RAB27A: variants seen among roughly 807,000 people sequenced by gnomAD.
RAB27A encodes RAB27A, member RAS oncogene family.
In RAB27A, 17 loss-of-function variants were observed where a neutral mutation model predicts 20.8. The ratio of observed to expected loss-of-function variants is 0.82; its 90% CI spans 0.56 to 1.23. The LOEUF (loss-of-function observed/expected upper bound fraction) is 1.23, where lower values mean the gene tolerates loss of function less well. Ranked by LOEUF, RAB27A falls within the 50% of genes most tolerant of loss-of-function variation. The probability of loss-of-function intolerance (pLI) is 0.00; values close to 1 mark genes in which losing one functional copy is unlikely to be tolerated. For synonymous variants in RAB27A, 85 were observed against 92.8 expected, an observed-to-expected ratio of 0.92 and a Z score of 0.48; for missense variants, 277 against 266.7, an observed-to-expected ratio of 1.04 and a Z score of -0.27.
At chr15:55,207,225 AAT>A (rs2140897181) in intron 6 of RAB27A, among the ~76,000 whole-genome samples, 1 of 152,340 alleles carries the variant, frequency 6.6e-6, no homozygotes, top group Non-Finnish European at 1.5e-5. Flanking sequence ...TACTTTGGAA[AAT>A]AAGACGGTAA....
chr15:55,308,933 T>A (rs998948543), intron 2 of RAB27A, among the ~76,000 whole-genome samples: 2 of 152,226 alleles, frequency 1.3e-5, no homozygotes, highest in Admixed American at 1.3e-4. Context: ...AATTTCCTTA[T>A]TCAGGTATGC....
intron 1 of RAB27A, chr15:55,314,268 C>G (rs927677924): frequency 6.6e-6 from 1 of 150,616 alleles, no homozygotes; most frequent in African/African-American, 2.4e-5. Context: ...AATATAAAAA[C>G]ATGTTGATTT....
chr15:55,236,175 G>A (rs60735285), intron 2 of RAB27A, among the ~76,000 whole-genome samples: 4 of 141,238 alleles, frequency 2.8e-5, no homozygotes, highest in Non-Finnish European at 4.4e-5. Flanking sequence ...AAAAAAAAAA[G>A]AAAGAAAGAA....
intron 2 of RAB27A, among the ~76,000 whole-genome samples, chr15:55,303,764 AG>A: frequency 3.8e-5 from 5 of 131,708 alleles, no homozygotes; most frequent in African/African-American, 1.5e-4. Context: ...CTGCCCGGCC[AG>A]CCGCCCCGTC....
chr15:55,251,757 CAAAGTA>C (rs1246605209), intron 2 of RAB27A, among the ~76,000 whole-genome samples: 1 of 152,098 alleles, frequency 6.6e-6, no homozygotes, highest in Non-Finnish European at 1.5e-5. Flanking sequence ...AAATACTGAT[CAAAGTA>C]AAAGTTCAGA....
At chr15:55,230,872 A>T (rs985466654) in intron 3 of RAB27A, among the ~76,000 whole-genome samples, 1 of 152,024 alleles carries the variant, frequency 6.6e-6, no homozygotes, top group African/African-American at 2.4e-5. Flanking sequence ...TGTTACGTAG[A>T]TAGATTGCAT....
At position 55,262,019 on chromosome 15, in the gene RAB27A, A is replaced by G. The variant is rs1450174584; in HGVS notation, c.-23+8146T>C. On this transcript the variant is annotated intron_variant, in intron 2 of 6. Coordinates refer to ENST00000336787, the MANE Select transcript of RAB27A (RefSeq NM_183235.3). ...ACAATTGCACTCTGGCCTGGGTGAC[A>G]GGGCGAGACTCCATCCCAAAAAAAA... 2.7e-5 allele frequency among the ~76,000 whole-genome samples: 4 copies of G among 150,586 alleles called. No individual in the cohort carries two copies. The East Asian group carries it at 5.9e-4, about 22-fold the overall frequency.
At chr15:55,230,096 A>T (rs546718732) in intron 4 of RAB27A, among the ~76,000 whole-genome samples, 1 of 152,208 alleles carries the variant, frequency 6.6e-6, no homozygotes, top group Non-Finnish European at 1.5e-5. Flanking sequence ...AATGCATGTA[A>T]CTTGGCCACT....
rs140344102 is a variant in RAB27A at position 55,249,612 on chromosome 15, T to C, written c.-22-14656A>G. Among the ~76,000 whole-genome samples the C allele has an allele frequency of 3.7e-4, 57 of 152,330 alleles. 1 individual carries two copies. The East Asian group carries it at 0.011, about 29-fold the overall frequency. On this transcript the variant is annotated intron_variant, in intron 2 of 6. Transcript: ENST00000336787. ...AAGTTTTATAAATGTTCCACGATTATGTGAAAACAATCTGTACACCCTGTT... is the reference window on the plus strand; with the variant it reads ...AAGTTTTATAAATGTTCCACGATTACGTGAAAACAATCTGTACACCCTGTT...
chr15:55,301,697 T>C (rs972690881), intron 2 of RAB27A, among the ~76,000 whole-genome samples: 1 of 139,226 alleles, frequency 7.2e-6, no homozygotes, highest in Non-Finnish European at 1.5e-5. Flanking sequence ...CAGGCTGGAG[T>C]GCAGTGGCAT....
At chr15:55,262,385 CA>C (rs111597244) in intron 2 of RAB27A, among the ~76,000 whole-genome samples, 3 of 151,354 alleles carry the variant, frequency 2.0e-5, no homozygotes, top group Admixed American at 1.3e-4. Context: ...ACTCAAAATA[CA>C]AAAAAATTAG....
intron 1 of RAB27A, chr15:55,270,709 G>A (rs937929124): frequency 6.6e-6 from 1 of 152,146 alleles, no homozygotes; most frequent in Non-Finnish European, 1.5e-5. Flanking sequence ...CAAACAATAT[G>A]GGGGATCAAA....
At position 55,205,422 on chromosome 15, in the gene RAB27A, T is replaced by TTAATCTCTCACTG; in HGVS notation, c.*72_*84dup. 7.2e-7 allele frequency: 1 copy of TTAATCTCTCACTG among 1,384,030 alleles called. No homozygotes were observed. The highest frequency in any genetic ancestry group is 1.2e-5 in the South Asian group (1 of 86,114). The allele number at this position is 1,384,030 out of a possible 1,614,324, so 85.7% of individuals were successfully genotyped here. ...AGAAGCAATTTGTACACAATGCCCA[T>TTAATCTCTCACTG]TAATCTCTCACTGTGCCATGTATCA... On this transcript the variant is annotated 3_prime_UTR_variant, in exon 7 of 7. Transcript: ENST00000336787.
chr15:55,205,771 T>C, intron 6 of RAB27A, 66 bp from the exon 7 acceptor site: 1 of 1,349,606 alleles, frequency 7.4e-7, no homozygotes, highest in Non-Finnish European at 1.1e-6. Flanking sequence ...TTGCTCTTGA[T>C]AATTCAAATT....
At chr15:55,213,507 GCCTGT>G (rs1895123361) in intron 6 of RAB27A, among the ~76,000 whole-genome samples, 1 of 152,180 alleles carries the variant, frequency 6.6e-6, no homozygotes, top group Non-Finnish European at 1.5e-5. Context: ...CCAATCCATG[GCCTGT>G]TAGCAACCAG....
At chr15:55,209,485 G>A (rs1232930634) in intron 6 of RAB27A, among the ~76,000 whole-genome samples, 2 of 151,978 alleles carry the variant, frequency 1.3e-5, no homozygotes, top group East Asian at 1.9e-4. Flanking sequence ...TCTTTTTATG[G>A]TGGAATAACA....
chr15:55,214,232 CG>C lies in RAB27A; in HGVS notation c.468-8528del, dbSNP rs370840452. Among the ~76,000 whole-genome samples the C allele has an allele frequency of 9.4e-3, 1,424 of 152,194 alleles. 20 individuals are homozygous for C. The highest frequency in any genetic ancestry group is 0.033 in the African/African-American group (1,358 of 41,488). ...CGGGCGGATCACGAAGTCGGGAGAT[CG>C]AGACCATCCTGGCTAACATGGTGAA... On this transcript the variant is annotated intron_variant, in intron 6 of 6. Coordinates refer to ENST00000336787, the MANE Select transcript of RAB27A (RefSeq NM_183235.3).
At chr15:55,228,455 A>G (rs1433277552) in intron 5 of RAB27A, among the ~76,000 whole-genome samples, 154 bp downstream of exon 5, 1 of 152,212 alleles carries the variant, frequency 6.6e-6, no homozygotes, top group African/African-American at 2.4e-5. Flanking sequence ...TATTTCAATT[A>G]TCTTTGTCCC....
intron 2 of RAB27A, among the ~76,000 whole-genome samples, chr15:55,309,431 G>T (rs542931713): frequency 3.2e-4 from 48 of 152,320 alleles, no homozygotes; most frequent in Admixed American, 2.4e-3. Context: ...ATGGCACAAG[G>T]TTTCTGAATG....
Sources: gnomAD v4.1 joint callset for allele counts (sites outside exome capture counted in the v4.1 genomes callset) on GRCh38, gnomAD v4.1.1 for gene constraint, MANE v1.5 for transcripts, NCBI Gene and HGNC (gene_info 2026-07-23, HGNC 2026-07-21) for gene names.